Variants in DLGAP1 observed in about 807,000 individuals in gnomAD.
DLGAP1 encodes the protein disks large-associated protein 1.
DLGAP1 carries 11 observed loss-of-function variants against 90.8 expected under a neutral mutation model. That is an observed-to-expected ratio of 0.12 (90% CI 0.08 to 0.20). DLGAP1 has a LOEUF of 0.20. Ranked by LOEUF, DLGAP1 falls within the 10% of genes least tolerant of loss-of-function variation. The pLI, the probability that DLGAP1 is intolerant of heterozygous loss-of-function variation, is 1.00. For synonymous variants in DLGAP1, 558 were observed against 540.7 expected (o/e 1.03, Z -0.44); for missense variants, 1,050 against 1,333.8 (o/e 0.79, Z 3.31).
chr18:3,935,818 G>A (rs1364061100), intron 3 of DLGAP1, among the ~76,000 whole-genome samples: 2 of 152,192 alleles, frequency 1.3e-5, no homozygotes, highest in Non-Finnish European at 2.9e-5. Context: ...TGAGAATACA[G>A]GTTTGAAACG....
intron 1 of DLGAP1, among the ~76,000 whole-genome samples, chr18:4,242,014 C>A (rs1011020233): frequency 6.6e-6 from 1 of 152,042 alleles, no homozygotes; most frequent in African/African-American, 2.4e-5. Flanking sequence ...TGGTCATCTG[C>A]CATTATATAG....
intron 7 of DLGAP1, among the ~76,000 whole-genome samples, chr18:3,642,273 C>G (rs371975394): frequency 1.3e-5 from 2 of 152,312 alleles, no homozygotes; most frequent in Admixed American, 1.3e-4. Context: ...TATTCTTACT[C>G]GTTGAGCATC....
At chr18:3,863,364 C>G (rs1210451913) in intron 4 of DLGAP1, among the ~76,000 whole-genome samples, 3 of 152,176 alleles carry the variant, frequency 2.0e-5, no homozygotes, top group South Asian at 4.1e-4. Flanking sequence ...TAACAAGAAA[C>G]TCTTCCTTTT....
intron 7 of DLGAP1, among the ~76,000 whole-genome samples, chr18:3,602,070 A>G: frequency 6.6e-6 from 1 of 152,092 alleles, no homozygotes; most frequent in East Asian, 1.9e-4. Flanking sequence ...ATAATTTTGC[A>G]CTACAGGGTG....
intron 2 of DLGAP1, among the ~76,000 whole-genome samples, chr18:4,083,076 T>A (rs1002741771): frequency 6.6e-6 from 1 of 152,176 alleles, no homozygotes; most frequent in African/African-American, 2.4e-5. Context: ...GAAATTCTGA[T>A]CATTTCTGCT....
At chr18:3,566,544 CTTT>C (rs1201824682) in intron 9 of DLGAP1, among the ~76,000 whole-genome samples, 1 of 152,040 alleles carries the variant, frequency 6.6e-6, no homozygotes, top group East Asian at 1.9e-4. Flanking sequence ...TAAATTCCTC[CTTT>C]TCAGATTTTC....
chr18:4,418,565 C>T (rs556307670), intron 1 of DLGAP1, among the ~76,000 whole-genome samples: 4 of 152,094 alleles, frequency 2.6e-5, no homozygotes, highest in South Asian at 2.1e-4. Flanking sequence ...GTAACAGAGA[C>T]GAAGAATGCT....
intron 1 of DLGAP1, among the ~76,000 whole-genome samples, chr18:4,334,084 C>T (rs1284059691): frequency 6.6e-6 from 1 of 151,238 alleles, no homozygotes; most frequent in Admixed American, 6.6e-5. Context: ...ACTAAAAACA[C>T]AAAATTAGCT....
At chr18:3,989,313 A>G (rs1365415432) in intron 3 of DLGAP1, among the ~76,000 whole-genome samples, 3 of 152,218 alleles carry the variant, frequency 2.0e-5, no homozygotes, top group Non-Finnish European at 4.4e-5. Context: ...ATAAAGTGGC[A>G]AAGCACAGGA....
chr18:4,154,869 AG>A (rs2076730254), intron 1 of DLGAP1, among the ~76,000 whole-genome samples: 1 of 152,232 alleles, frequency 6.6e-6, no homozygotes, highest in Non-Finnish European at 1.5e-5. Flanking sequence ...TCATATGCCA[AG>A]CACTATCTAG....
intron 1 of DLGAP1, among the ~76,000 whole-genome samples, chr18:4,353,731 T>A (rs1267593659): frequency 6.6e-6 from 1 of 151,006 alleles, no homozygotes; most frequent in Non-Finnish European, 1.5e-5. Flanking sequence ...ATAATTTATG[T>A]ATATATTAAT....
At chr18:4,262,664 G>A (rs545313080) in intron 1 of DLGAP1, among the ~76,000 whole-genome samples, 1 of 152,226 alleles carries the variant, frequency 6.6e-6, no homozygotes, top group South Asian at 2.1e-4. Context: ...GTGCTACGTG[G>A]GCAACACAGC....
intron 1 of DLGAP1, among the ~76,000 whole-genome samples, chr18:4,236,215 T>C (rs1317749822): frequency 6.6e-6 from 1 of 152,182 alleles, no homozygotes; most frequent in Non-Finnish European, 1.5e-5. Context: ...GAGGTTTCAA[T>C]CAGTAAGTAC....
At position 4,321,690 on chromosome 18, in the gene DLGAP1, T is replaced by C. The variant is rs545489606; in HGVS notation, c.-267+133316A>G. Among the ~76,000 whole-genome samples the C allele has an allele frequency of 5.5e-4, 83 of 152,270 alleles. 3 individuals carry two copies. The South Asian group carries it at 0.017, about 31-fold the overall frequency. On this transcript the variant is annotated intron_variant, in intron 1 of 12. Transcript: ENST00000315677. ...ACCAATTCGGTTAAATAATACAAAA[T>C]AATAAGACTTTAGAAATGGCTACAA...
intron 7 of DLGAP1, among the ~76,000 whole-genome samples, chr18:3,688,939 A>G (rs574058118): frequency 2.6e-5 from 4 of 152,186 alleles, no homozygotes; most frequent in South Asian, 2.1e-4. Context: ...GAATGCTGTC[A>G]TGGAGAACCC....
chr18:3,871,904 C>T (rs559578101), intron 4 of DLGAP1, among the ~76,000 whole-genome samples: 17 of 152,224 alleles, frequency 1.1e-4, no homozygotes, highest in African/African-American at 4.1e-4. Flanking sequence ...ATGCAGTAAC[C>T]GCAGGCTCAC....
intron 4 of DLGAP1, among the ~76,000 whole-genome samples, chr18:3,833,178 CT>C (rs2068142536): frequency 1.1e-3 from 13 of 12,060 alleles, no homozygotes; most frequent in Non-Finnish European, 1.3e-3. Flanking sequence ...TCCTTCCTTC[CT>C]TCCTTCCTTC....
intron 1 of DLGAP1, among the ~76,000 whole-genome samples, chr18:4,249,682 G>A (rs952574739): frequency 2.0e-5 from 3 of 152,192 alleles, no homozygotes; most frequent in African/African-American, 4.8e-5. Flanking sequence ...CTATCTCCAC[G>A]GTTCAAGCAA....
In DLGAP1 at chr18:3,879,811, G is replaced by A; in HGVS notation, c.258C>T (p.Ala86=). 1 of 1,607,830 alleles carries A rather than the reference G, an allele frequency of 6.2e-7. No individual in the cohort carries two copies. Among genetic ancestry groups the A allele is most frequent in the Non-Finnish European group, 8.5e-7 (1 of 1,179,884 alleles). The change falls in exon 4 of 13, where the codon GCC becomes GCT. Residue 86 remains alanine (A), a synonymous_variant. Coordinates refer to ENST00000315677, the MANE Select transcript of DLGAP1 (RefSeq NM_004746.4). The surrounding 1 kb of genome is among the most constrained non-coding windows in gnomAD (Gnocchi z 6.6). ...TGGTGGCCAGGGTGCGGGGCACCAG[G>A]GCACACTCGTCCTTCAGCTCTTGCT... is the stretch of plus-strand genomic sequence containing the variant. ...TSQQELKDEC[A]LVPRTLATKA...
Sources: allele counts gnomAD v4.1 joint callset (sites outside exome capture counted in the v4.1 genomes callset), GRCh38; gene constraint gnomAD v4.1.1; non-coding constraint Gnocchi (gnomAD v3.1); transcripts MANE v1.5; gene names NCBI Gene and HGNC (gene_info 2026-07-23, HGNC 2026-07-21).